MAT1A: variants seen among roughly 807,000 people sequenced by gnomAD.
MAT1A encodes the protein methionine adenosyltransferase 1A.
A neutral mutation model predicts 44.0 loss-of-function variants in MAT1A; 19 were observed. That is an observed-to-expected ratio of 0.43 (90% CI 0.30 to 0.63). The LOEUF (loss-of-function observed/expected upper bound fraction) is 0.63. Ranked by LOEUF, MAT1A falls within the 30% of genes least tolerant of loss-of-function variation. The pLI, the probability that MAT1A is intolerant of heterozygous loss-of-function variation, is 0.12. For synonymous variants in MAT1A, 205 were observed against 205.6 expected (o/e 1.00, Z 0.03); for missense variants, 397 against 531.0 (o/e 0.75, Z 2.48).
At position 80,274,615 on chromosome 10, in the gene MAT1A, A is replaced by T; in HGVS notation, c.990T>A (p.Ile330=). The T allele has an allele frequency of 6.2e-7, 1 of 1,614,202 alleles. No individual in the cohort carries two copies. The highest frequency in any genetic ancestry group is 8.5e-7 in the Non-Finnish European group (1 of 1,180,024). ...YAIGVAEPLS[I]SIFTYGTSQK... ...GAGAGGTTCCGTAGGTGAAGATGGAAATGGACAGCGGCTCGGCCACACCAA... is the reference window on the plus strand; with the variant it reads ...GAGAGGTTCCGTAGGTGAAGATGGATATGGACAGCGGCTCGGCCACACCAA... The change falls in exon 8 of 9, where the codon ATT becomes ATA. Residue 330 remains isoleucine, a synonymous_variant. Transcript: ENST00000372213.
rs751085368 is a variant in MAT1A at position 80,272,296 on chromosome 10, G to C, written c.*1485C>G. On this transcript the variant is annotated 3_prime_UTR_variant, in exon 9 of 9. Transcript: ENST00000372213. ...CTGGGGAGAAGGTAGAGATGCTGCT[G>C]TCAGAGGTCCAGGCTAAGGACAAGT... The C allele has an allele frequency of 6.5e-6, 1 of 152,978 alleles. No homozygotes were observed. The highest frequency in any genetic ancestry group is 1.5e-5 in the Non-Finnish European group (1 of 68,666). 9.5% of individuals were successfully genotyped at this position (152,978 alleles called of 1,614,324 possible).
intron 1 of MAT1A, among the ~76,000 whole-genome samples, chr10:80,287,323 A>C (rs1411519747): frequency 6.6e-6 from 1 of 152,240 alleles, no homozygotes; most frequent in Non-Finnish European, 1.5e-5. Context: ...AATTTTTATC[A>C]ATATCACTTA....
chr10:80,275,041 C>A lies in MAT1A; in HGVS notation c.927G>T (p.Gly309=). 1.3e-6 allele frequency: 2 copies of A among 1,558,440 alleles called. No individual in the cohort carries two copies. Among genetic ancestry groups the A allele is most frequent in the Non-Finnish European group, 1.7e-6 (2 of 1,151,846 alleles). The change falls in exon 7 of 9, where the codon GGG becomes GGT. Residue 309 remains glycine (G), a synonymous_variant. Coordinates refer to ENST00000372213, the MANE Select transcript of MAT1A (RefSeq NM_000429.3). ...RWVAKSLVKA[G]LCRRVLVQVS... ...CCTGGACAAGCACTCTCCGGCAGAG[C>A]CCTGCTTTCACCAGAGACTTGGCCA...
intron 5 of MAT1A, among the ~76,000 whole-genome samples, chr10:80,279,160 G>A (rs1004357123): frequency 2.0e-5 from 3 of 152,124 alleles, no homozygotes; most frequent in African/African-American, 7.2e-5. Flanking sequence ...GGCCTAAAGG[G>A]GATTAGCTGG....
At position 80,279,807 on chromosome 10, in the gene MAT1A, ACACAG is replaced by A. The variant is rs1371555832; in HGVS notation, c.549+361_549+365del. Among the ~76,000 whole-genome samples the A allele has an allele frequency of 2.6e-5, 4 of 152,012 alleles. No individual in the cohort carries two copies. In the East Asian group the frequency reaches 7.7e-4, roughly 29 times the overall value. On this transcript the variant is annotated intron_variant, in intron 5 of 8. Coordinates refer to ENST00000372213, the MANE Select transcript of MAT1A (RefSeq NM_000429.3). ...GACACAGCACAGACAGACAACACAG[ACACAG>A]CACAGACACAGCACAGACAGCCTGT...
intron 5 of MAT1A, among the ~76,000 whole-genome samples, chr10:80,278,875 T>C (rs1841523840): frequency 6.6e-6 from 1 of 152,136 alleles, no homozygotes; most frequent in Non-Finnish European, 1.5e-5. Context: ...TGGCCAGGGA[T>C]GGCATCCCAA....
intron 5 of MAT1A, 97 bp from the exon 6 acceptor site, chr10:80,276,691 C>G: frequency 8.4e-7 from 1 of 1,186,408 alleles, no homozygotes; most frequent in South Asian, 1.2e-5. Context: ...GGGCAGGGCT[C>G]CCAGGAGCCA....
At chr10:80,275,411 G>A (rs1841473860) in intron 6 of MAT1A, 5 of 611,282 alleles carry the variant, frequency 8.2e-6, no homozygotes, top group Non-Finnish European at 1.2e-5. Flanking sequence ...ACCTGCCAAA[G>A]CTTCATTAGC....
At chr10:80,275,338 C>T in intron 6 of MAT1A, 139 bp from the exon 7 acceptor site, 8 of 776,762 alleles carry the variant, frequency 1.0e-5, no homozygotes, top group Non-Finnish European at 1.5e-5. Context: ...CCTAAGACCC[C>T]TTAGCCCAGA....
Position 80,274,518 on chromosome 10 carries a change from A to G in MAT1A, c.1085+2T>C. 6.2e-7 allele frequency: 1 copy of G among 1,614,086 alleles called. No individual in the cohort carries two copies. Among genetic ancestry groups the G allele is most frequent in the Non-Finnish European group, 8.5e-7 (1 of 1,180,004 alleles). On this transcript the variant is annotated splice_donor_variant, in intron 8 of 8. Transcript: ENST00000372213. LOFTEE classifies it high-confidence loss of function. ...GTGTAATAGCAGCGCATGGCACTTT[A>G]CCTGACAATGACGCCCGGCCGGAGG... is the stretch of plus-strand genomic sequence containing the variant.
At position 80,280,717 on chromosome 10, in the gene MAT1A, A is replaced by T; in HGVS notation, c.368T>A (p.Leu123Gln). The T allele has an allele frequency of 6.2e-7, 1 of 1,614,190 alleles. No individual in the cohort carries two copies. Residue 123 changes from leucine to glutamine, a missense_variant, in exon 4 of 9, where the codon CTG becomes CAG. Transcript: ENST00000372213. ...CCCCACATCCTCCTCATTTCTGTCCAGATGGACGCACTGGGCAATATCTGG... is the reference window on the plus strand; with the variant it reads ...CCCCACATCCTCCTCATTTCTGTCCTGATGGACGCACTGGGCAATATCTGG... ...QSPDIAQCVH[L>Q]DRNEEDVGAG...
At chr10:80,282,722 T>A (rs1256599169) in intron 3 of MAT1A, among the ~76,000 whole-genome samples, 1 of 152,154 alleles carries the variant, frequency 6.6e-6, no homozygotes, top group Non-Finnish European at 1.5e-5. Context: ...CAATATTAAT[T>A]GCTCATGAGT....
chr10:80,280,451 A>G, intron 4 of MAT1A, 135 bp from the exon 5 acceptor site: 2 of 1,199,800 alleles, frequency 1.7e-6, no homozygotes, highest in Non-Finnish European at 1.2e-6. Context: ...TGGCATGTGC[A>G]GGGGAAGGAC....
chr10:80,285,571 A>G lies in MAT1A; in HGVS notation c.110T>C (p.Ile37Thr), dbSNP rs756522673. ...EGHPDKICDQ[I>T]SDAVLDAHLK... ...ATGGGCATCCAGCACTGCATCACTG[A>G]TCTGGTCACAGATCTTATCTGGACA... is the stretch of plus-strand genomic sequence containing the variant. Residue 37 changes from isoleucine to threonine, a missense_variant, in exon 2 of 9, where the codon ATC (isoleucine) becomes ACC (threonine). Transcript: ENST00000372213. 1.9e-6 allele frequency: 3 copies of G among 1,613,730 alleles called. No homozygotes were observed. Among genetic ancestry groups the G allele is most frequent in the Non-Finnish European group, 1.7e-6 (2 of 1,179,634 alleles).
At chr10:80,285,982 C>A (rs563917308) in intron 1 of MAT1A, among the ~76,000 whole-genome samples, 2 of 151,984 alleles carry the variant, frequency 1.3e-5, no homozygotes, top group East Asian at 1.9e-4. Flanking sequence ...TGTGCTACCA[C>A]GCCTGGCTAA....
intron 1 of MAT1A, among the ~76,000 whole-genome samples, 173 bp downstream of exon 1, chr10:80,289,160 T>A (rs1841687714): frequency 6.6e-6 from 1 of 152,230 alleles, no homozygotes; most frequent in Non-Finnish European, 1.5e-5. Flanking sequence ...GCAATGGGTA[T>A]GCCCATTATC....
At chr10:80,283,708 T>C (rs1426464465) in intron 3 of MAT1A, among the ~76,000 whole-genome samples, 1 of 152,246 alleles carries the variant, frequency 6.6e-6, no homozygotes, top group Non-Finnish European at 1.5e-5. Flanking sequence ...CAGATGGGCA[T>C]GTGCTGGGCC....
intron 3 of MAT1A, among the ~76,000 whole-genome samples, chr10:80,283,454 A>T (rs1440348009): frequency 6.6e-6 from 1 of 152,244 alleles, no homozygotes; most frequent in Non-Finnish European, 1.5e-5. Context: ...GTGGAAGCAC[A>T]GGAGTCCTCA....
chr10:80,277,749 C>T (rs72809558), intron 5 of MAT1A, among the ~76,000 whole-genome samples: 3,996 of 152,308 alleles, frequency 0.026, 57 homozygotes, highest in Non-Finnish European at 0.033. Context: ...GCAGACTCCA[C>T]GCAGTGGCCT....
Sources: gnomAD v4.1 joint callset for allele counts (sites outside exome capture counted in the v4.1 genomes callset) on GRCh38, gnomAD v4.1.1 for gene constraint, MANE v1.5 for transcripts, NCBI Gene and HGNC (gene_info 2026-07-23, HGNC 2026-07-21) for gene names.